Variants in GPD2 observed in about 807,000 individuals in gnomAD.
GPD2 encodes glycerol-3-phosphate dehydrogenase, mitochondrial.
In GPD2, 54 loss-of-function variants were observed where a neutral mutation model predicts 82.4. That is an observed-to-expected ratio of 0.66 (90% CI 0.53 to 0.82). The LOEUF (loss-of-function observed/expected upper bound fraction) is 0.82, where lower values mean the gene tolerates loss of function less well. Among genes scored for constraint, GPD2 ranks in the 40% least tolerant of loss-of-function variants. The pLI is 0.00. For missense variants in GPD2, 748 were observed against 896.2 expected (o/e 0.83, Z 2.11); for synonymous variants, 288 against 306.1 (o/e 0.94, Z 0.62).
the GPD2 span, among the ~76,000 whole-genome samples, chr2:156,415,196 T>C: frequency 7.0e-6 from 1 of 143,772 alleles, no homozygotes; most frequent in Non-Finnish European, 1.5e-5. Flanking sequence ...TCTTGCTCAG[T>C]GGACCAGGCT....
rs183806890 is a variant in GPD2 at position 156,530,339 on chromosome 2, A to G, written c.661+16843A>G. On this transcript the variant is annotated intron_variant, in intron 6 of 16. Transcript: ENST00000438166. The stretch of plus-strand genomic sequence containing the variant: ...CTTAAGGAGATTTTGGGCTGAGACA[A>G]TGGGGTTTTCTGGATATACGATCAT... 2.3e-3 allele frequency among the ~76,000 whole-genome samples: 295 copies of G among 128,772 alleles called. 6 individuals are homozygous for G. Among genetic ancestry groups the G allele is most frequent in the Middle Eastern group, 0.011 (3 of 268 alleles). 84.5% of individuals were successfully genotyped at this position (128,772 alleles called of 152,430 possible). A position where few individuals can be genotyped will look rare whatever the true frequency, so the allele number is the denominator to read the frequency against.
rs1683349863 is a variant in GPD2 at position 156,472,073 on chromosome 2, T to A, written c.-8-4025T>A. Among the ~76,000 whole-genome samples, 8 of 152,208 alleles carry A rather than the reference T, an allele frequency of 5.3e-5. No individual in the cohort carries two copies. The South Asian group carries it at 1.7e-3, about 31-fold the overall frequency. Reference sequence around the variant, plus strand: ...AATAAGCTAATTCTATTTTTTAAAATTTTTTCACCTCTGGTTTCCTTGAAC... The same window carrying A: ...AATAAGCTAATTCTATTTTTTAAAAATTTTTCACCTCTGGTTTCCTTGAAC... On this transcript the variant is annotated intron_variant, in intron 1 of 16. Transcript: ENST00000438166.
At chr2:156,403,075 A>T in the GPD2 span, among the ~76,000 whole-genome samples, 1 of 125,530 alleles carries the variant, frequency 8.0e-6, no homozygotes, top group Non-Finnish European at 1.6e-5. Context: ...AGATCGTGCC[A>T]CTGCACTCCA....
rs80195918 is a variant in GPD2, at chr2:156,455,713, G to T, written c.-9+19200G>T. The stretch of plus-strand genomic sequence containing the variant: ...TGCTTCCTGCCTTCTCTTTCCTTCA[G>T]GGGTAAGTAATCCCTTAGCGCCTTG... On this transcript the variant is annotated intron_variant, in intron 1 of 16. Coordinates refer to ENST00000438166, the MANE Select transcript of GPD2 (RefSeq NM_000408.5). Among the ~76,000 whole-genome samples, 145 of 151,738 alleles carry T rather than the reference G, an allele frequency of 9.6e-4. 4 individuals carry two copies. In the East Asian group the frequency reaches 0.028, roughly 29 times the overall value.
At chr2:156,549,352 T>C (rs1432853186) in intron 6 of GPD2, among the ~76,000 whole-genome samples, 2 of 152,214 alleles carry the variant, frequency 1.3e-5, no homozygotes, top group African/African-American at 4.8e-5. Flanking sequence ...TTTCAGATAA[T>C]TGATGTCAGC....
intron 9 of GPD2, among the ~76,000 whole-genome samples, chr2:156,561,040 C>CTTTTTTTTTGTTTTTT (rs1687149973): frequency 3.6e-5 from 1 of 27,624 alleles, no homozygotes; most frequent in Admixed American, 7.7e-4. Context: ...TGACATTAAG[C>CTTTTTTTTTGTTTTTT]TTTTTTTTTT....
In GPD2 at chr2:156,569,029, A is replaced by G. The variant is rs950104733; in HGVS notation, c.1300+70A>G. 4 of 1,316,638 alleles carry G rather than the reference A, an allele frequency of 3.0e-6. No individual in the cohort carries two copies. In the African/African-American group the frequency reaches 4.7e-5, roughly 15 times the overall value. The allele number at this position is 1,316,638 out of a possible 1,614,324, so 81.6% of individuals were successfully genotyped here. A position where few individuals can be genotyped will look rare whatever the true frequency, so the allele number is the denominator to read the frequency against. ...TTTGTTATAGGGACAGGGTCTCACC[A>G]TGTTGCCCAGGAGGGTCTTGAACTC... On this transcript the variant is annotated intron_variant, in intron 10 of 16. Transcript: ENST00000438166.
chr2:156,560,945 C>T (rs983797391), intron 9 of GPD2, among the ~76,000 whole-genome samples: 1 of 149,828 alleles, frequency 6.7e-6, no homozygotes, highest in Non-Finnish European at 1.5e-5. Flanking sequence ...AGCATATTAC[C>T]TGTTAGATCT....
At chr2:156,415,027 T>G in the GPD2 span, among the ~76,000 whole-genome samples, 4 of 152,246 alleles carry the variant, frequency 2.6e-5, no homozygotes, top group Admixed American at 2.6e-4. Flanking sequence ...GTAAATTCTT[T>G]AGTGGTGATT....
intron 1 of GPD2, among the ~76,000 whole-genome samples, chr2:156,449,182 C>T (rs1202941009): frequency 6.6e-6 from 1 of 151,744 alleles, no homozygotes; most frequent in African/African-American, 2.4e-5. Context: ...TTATAACATT[C>T]ACAGGTTCCA....
At chr2:156,488,727 T>C (rs1390283745) in intron 2 of GPD2, among the ~76,000 whole-genome samples, 2 of 152,164 alleles carry the variant, frequency 1.3e-5, no homozygotes, top group East Asian at 3.8e-4. Flanking sequence ...TATCAAAGAT[T>C]GTGAACTTGG....
At position 156,510,932 on chromosome 2, in the gene GPD2, T is replaced by C. The variant is rs371680681; in HGVS notation, c.399+12T>C. 9.7e-5 allele frequency: 157 copies of C among 1,613,134 alleles called. No homozygotes were observed. The African/African-American group carries it at 2.0e-3, about 20-fold the overall frequency. ...TGGATATTGAGCAGGTAATTGTGTA[T>C]GCTGGTTGTTAAACAAAAATTGCAA... is the stretch of plus-strand genomic sequence containing the variant. On this transcript the variant is annotated intron_variant, in intron 4 of 16. Coordinates refer to ENST00000438166, the MANE Select transcript of GPD2 (RefSeq NM_000408.5).
At chr2:156,492,729 A>G (rs1489677153) in intron 2 of GPD2, among the ~76,000 whole-genome samples, 2 of 152,060 alleles carry the variant, frequency 1.3e-5, no homozygotes, top group African/African-American at 4.8e-5. Context: ...AAGTGACTAG[A>G]TATGGAAATG....
chr2:156,521,198 A>G (rs1488499884), intron 6 of GPD2, among the ~76,000 whole-genome samples: 1 of 152,244 alleles, frequency 6.6e-6, no homozygotes, highest in Non-Finnish European at 1.5e-5. Context: ...AAGTGCATGA[A>G]CTGTAAACTG....
chr2:156,419,690 G>A, the GPD2 span, among the ~76,000 whole-genome samples: 2 of 152,126 alleles, frequency 1.3e-5, no homozygotes, highest in East Asian at 3.9e-4. Context: ...ACAGAATGTG[G>A]TTGAGTTTGC....
chr2:156,423,415 GTA>G, the GPD2 span, among the ~76,000 whole-genome samples: 144 of 152,110 alleles, frequency 9.5e-4, no homozygotes, highest in Non-Finnish European at 1.6e-3. Context: ...AGTTCTTTCT[GTA>G]ATAAAATACC....
At chr2:156,554,130 A>G (rs917311416) in intron 8 of GPD2, among the ~76,000 whole-genome samples, 4 of 152,212 alleles carry the variant, frequency 2.6e-5, no homozygotes, top group African/African-American at 9.6e-5. Context: ...CCTTGAGGCA[A>G]CTGTACTTCT....
chr2:156,482,098 G>T (rs1162553332), intron 2 of GPD2, among the ~76,000 whole-genome samples: 1 of 152,192 alleles, frequency 6.6e-6, no homozygotes, highest in East Asian at 1.9e-4. Context: ...ATTCCCAAGG[G>T]ATATGAATAT....
intron 6 of GPD2, among the ~76,000 whole-genome samples, chr2:156,520,398 C>T (rs946859492): frequency 1.3e-5 from 2 of 152,146 alleles, no homozygotes; most frequent in Non-Finnish European, 2.9e-5. Flanking sequence ...CCAACTGTGA[C>T]TATTCACCAT....
Sources: allele counts gnomAD v4.1 joint callset (sites outside exome capture counted in the v4.1 genomes callset), GRCh38; gene constraint gnomAD v4.1.1; transcripts MANE v1.5; gene names NCBI Gene and HGNC (gene_info 2026-07-23, HGNC 2026-07-21).